PCNX2: variants seen among roughly 807,000 people sequenced by gnomAD.
PCNX2 encodes the protein pecanex 2, also known as pecanex-like protein 2.
A neutral mutation model predicts 223.8 loss-of-function variants in PCNX2; 168 were observed. The ratio of observed to expected loss-of-function variants is 0.75; its 90% CI spans 0.66 to 0.85. The LOEUF is 0.85. PCNX2 is among the 40% of genes least tolerant of loss of function. The pLI is 0.00. For synonymous variants in PCNX2, 1,006 were observed against 1,052.6 expected (o/e 0.96, Z 0.86); for missense variants, 2,507 against 2,675.5 (o/e 0.94, Z 1.39).
At chr1:233,130,000 G>A (rs942219193) in intron 21 of PCNX2, among the ~76,000 whole-genome samples, 2 of 152,158 alleles carry the variant, frequency 1.3e-5, no homozygotes, top group East Asian at 3.9e-4. Context: ...AAGACTCACT[G>A]CGAAGGTCTG....
Position 233,241,077 on chromosome 1 carries a change from C to T in PCNX2, c.2223-4097G>A, listed in dbSNP as rs538853664. Reference sequence around the variant, plus strand: ...GACACAGAAATGAAAGTCCCAGCAACATGTTCAACATGTAGGATGTTTAAC... The same window carrying T: ...GACACAGAAATGAAAGTCCCAGCAATATGTTCAACATGTAGGATGTTTAAC... On this transcript the variant is annotated intron_variant, in intron 8 of 33. Coordinates refer to ENST00000258229, the MANE Select transcript of PCNX2 (RefSeq NM_014801.4). The T allele has an allele frequency of 4.6e-5, 34 of 744,224 alleles. 2 individuals carry two copies. In the South Asian group the frequency reaches 1.3e-3, roughly 28 times the overall value. 46.1% of individuals were successfully genotyped at this position (744,224 alleles called of 1,614,324 possible).
intron 21 of PCNX2, among the ~76,000 whole-genome samples, chr1:233,116,142 G>A (rs1199219730): frequency 6.6e-6 from 1 of 151,790 alleles, no homozygotes; most frequent in Non-Finnish European, 1.5e-5. Flanking sequence ...GGAACTGATA[G>A]AACTGAAAGA....
the PCNX2 span, among the ~76,000 whole-genome samples, chr1:233,318,551 CT>C: frequency 8.6e-6 from 1 of 116,626 alleles, no homozygotes; most frequent in Admixed American, 1.0e-4. Context: ...CCATCTTTTT[CT>C]TTTTCTTTTT....
chr1:233,048,615 A>G (rs376129320), intron 25 of PCNX2, among the ~76,000 whole-genome samples: 1 of 152,226 alleles, frequency 6.6e-6, no homozygotes, highest in East Asian at 1.9e-4. Flanking sequence ...TAGAAAAACA[A>G]TAACAATCTA....
intron 17 of PCNX2, among the ~76,000 whole-genome samples, chr1:233,174,603 T>C (rs568970910): frequency 6.6e-6 from 1 of 152,132 alleles, no homozygotes; most frequent in African/African-American, 2.4e-5. Context: ...ACCAATGATT[T>C]AGGAAAAGAC....
At chr1:233,030,463 T>C (rs945539718) in intron 25 of PCNX2, among the ~76,000 whole-genome samples, 1 of 152,216 alleles carries the variant, frequency 6.6e-6, no homozygotes, top group Non-Finnish European at 1.5e-5. Context: ...TCTGCATATC[T>C]AGAAACTCTT....
chr1:233,229,254 T>G (rs557228275), intron 9 of PCNX2, among the ~76,000 whole-genome samples: 1 of 152,154 alleles, frequency 6.6e-6, no homozygotes, highest in South Asian at 2.1e-4. Context: ...CAAATATTAA[T>G]GCAAAAGGCA....
rs775525573 is a variant in PCNX2, at chr1:233,001,126, C to T, written c.5097+411G>A. 4.6e-5 allele frequency among the ~76,000 whole-genome samples: 7 copies of T among 152,066 alleles called. No individual in the cohort carries two copies. Among genetic ancestry groups the T allele is most frequent in the Non-Finnish European group, 8.8e-5 (6 of 68,028 alleles). On this transcript the variant is annotated intron_variant, in intron 29 of 33. Coordinates refer to ENST00000258229, the MANE Select transcript of PCNX2 (RefSeq NM_014801.4). This position sits in a 1 kb window ranked among gnomAD's most constrained non-coding sequence, Gnocchi z 4.2. ...ATAGATCACTGCAGCCTGAAACTCCCGGGCTCAAGCTATCCTCCCACCTTA... is the reference window on the plus strand; with the variant it reads ...ATAGATCACTGCAGCCTGAAACTCCTGGGCTCAAGCTATCCTCCCACCTTA...
Position 233,135,207 on chromosome 1 carries a change from A to T in PCNX2, c.3660-17T>A. 1.2e-6 allele frequency: 2 copies of T among 1,609,034 alleles called. No homozygotes were observed. Among genetic ancestry groups the T allele is most frequent in the South Asian group, 2.2e-5 (2 of 90,298 alleles). ...ATGTCCCAGCTGTTGGAAACAAAAGAAAAGATGCAATCAATGACAGTGTGC... is the reference window on the plus strand; with the variant it reads ...ATGTCCCAGCTGTTGGAAACAAAAGTAAAGATGCAATCAATGACAGTGTGC... On this transcript the variant is annotated splice_polypyrimidine_tract_variant and intron_variant, in intron 20 of 33. Transcript: ENST00000258229.
At chr1:233,072,408 T>C (rs1465807869) in intron 23 of PCNX2, among the ~76,000 whole-genome samples, 2 of 152,148 alleles carry the variant, frequency 1.3e-5, no homozygotes, top group Non-Finnish European at 2.9e-5. Context: ...AATCTGTCCC[T>C]CATTGCTTGT....
intron 23 of PCNX2, among the ~76,000 whole-genome samples, chr1:233,083,017 C>T (rs1204162123): frequency 6.6e-6 from 1 of 152,186 alleles, no homozygotes; most frequent in Non-Finnish European, 1.5e-5. Context: ...CAGTAAACCA[C>T]ACTCACGCAT....
At chr1:233,237,001 A>C in intron 8 of PCNX2, 21 bp from the exon 9 acceptor site, 1 of 1,613,322 alleles carries the variant, frequency 6.2e-7, no homozygotes, top group Non-Finnish European at 8.5e-7. Flanking sequence ...GCAAAACAAA[A>C]GCTTTGGTTA....
At chr1:233,327,219 T>A in the PCNX2 span, among the ~76,000 whole-genome samples, 2 of 152,116 alleles carry the variant, frequency 1.3e-5, no homozygotes, top group Admixed American at 1.3e-4. Flanking sequence ...GTCCCCTCCC[T>A]CAGTCTTACC....
intron 9 of PCNX2, among the ~76,000 whole-genome samples, chr1:233,235,957 A>ATATATATATATATATAT (rs1553319645): frequency 6.7e-4 from 62 of 93,078 alleles, no homozygotes; most frequent in African/African-American, 2.0e-3. Flanking sequence ...CATAAAAAAA[A>ATATATATATATATATAT]ATATATATAT....
intron 25 of PCNX2, among the ~76,000 whole-genome samples, chr1:233,053,884 TGATTTGCACGCAACA>T (rs1672095305): frequency 1.3e-5 from 2 of 152,170 alleles, no homozygotes; most frequent in Non-Finnish European, 2.9e-5. Context: ...AGACCTTAAA[TGATTTGCACGCAACA>T]GATCCCAACA....
rs1242582120 is a variant in PCNX2, at chr1:233,218,025, TC to T, written c.2658+5del. ...CGCTACTGGTAAGAATTAGATGTGGTCTTGCCTTTAGCAGGGAGTACTGGCA... is the reference window on the plus strand; with the variant it reads ...CGCTACTGGTAAGAATTAGATGTGGTTTGCCTTTAGCAGGGAGTACTGGCA... On this transcript the variant is annotated splice_donor_5th_base_variant and intron_variant, in intron 11 of 33. Coordinates refer to ENST00000258229, the MANE Select transcript of PCNX2 (RefSeq NM_014801.4). The T allele has an allele frequency of 1.9e-6, 3 of 1,610,492 alleles. No individual in the cohort carries two copies. The African/African-American group carries it at 4.0e-5, about 22-fold the overall frequency.
At chr1:232,996,842 C>T (rs1415202549) in intron 32 of PCNX2, among the ~76,000 whole-genome samples, 1 of 152,160 alleles carries the variant, frequency 6.6e-6, no homozygotes, top group East Asian at 1.9e-4. Context: ...AACAGCTTAC[C>T]TTTACAAATG....
intron 23 of PCNX2, among the ~76,000 whole-genome samples, chr1:233,066,858 A>C (rs189462935): frequency 6.6e-6 from 1 of 152,190 alleles, no homozygotes; most frequent in East Asian, 1.9e-4. Context: ...AGACTTTCAT[A>C]ATTTTCCTGG....
intron 12 of PCNX2, among the ~76,000 whole-genome samples, chr1:233,209,880 T>C (rs1241138708): frequency 5.3e-5 from 8 of 152,204 alleles, no homozygotes. Context: ...ATCAAGTGAA[T>C]AGCAAAATAA....
Sources: gnomAD v4.1 joint callset for allele counts (sites outside exome capture counted in the v4.1 genomes callset) on GRCh38, gnomAD v4.1.1 for gene constraint, Gnocchi (gnomAD v3.1) non-coding constraint, MANE v1.5 for transcripts, NCBI Gene and HGNC (gene_info 2026-07-23, HGNC 2026-07-21) for gene names.